The following LZTR1 variants were observed in gnomAD, a reference collection of about 807,000 sequenced individuals.
LZTR1 encodes the protein leucine-zipper-like transcriptional regulator 1.
LZTR1 carries 260 observed loss-of-function variants against 105.7 expected under a neutral mutation model. That is an observed-to-expected ratio of 2.46 (90% CI 2.22 to 2.72). The LOEUF is 2.72. Ranked by LOEUF, LZTR1 falls within the 30% of genes most tolerant of loss-of-function variation. The pLI, the probability that LZTR1 is intolerant of heterozygous loss-of-function variation, is 0.00. For missense variants in LZTR1, 1,214 were observed against 1,166.9 expected, an observed-to-expected ratio of 1.04 and a Z score of -0.59; for synonymous variants, 490 against 476.4, an observed-to-expected ratio of 1.03 and a Z score of -0.37.
Position 20,994,025 on chromosome 22 carries a change from G to A in LZTR1, c.1449+6G>A, listed in dbSNP as rs746619586. On this transcript the variant is annotated splice_donor_region_variant and intron_variant, in intron 13 of 20. Coordinates refer to ENST00000646124, the MANE Select transcript of LZTR1 (RefSeq NM_006767.4). ...CGCGGGAGAGGCTGGCCCAGGTGAG[G>A]TGCCTAACCGCCCTGCCCTGACCTG... The A allele has an allele frequency of 3.1e-6, 5 of 1,602,630 alleles. No individual in the cohort carries two copies. The East Asian group carries it at 6.8e-5, about 22-fold the overall frequency.
intron 10 of LZTR1, 82 bp downstream of exon 10, chr22:20,992,451 T>C: frequency 7.1e-7 from 1 of 1,412,624 alleles, no homozygotes; most frequent in South Asian, 1.3e-5. Context: ...ATGGGGAGAC[T>C]GAGGCCCCGA....
Position 20,990,405 on chromosome 22 carries a change from TC to T in LZTR1, c.677del (p.Pro226HisfsTer26), listed in dbSNP as rs777054968. The stretch of plus-strand genomic sequence containing the variant: ...CTGCAGGTGGCCCAGAGTGGCGAGA[TC>T]CCCCCATCTTGCTGCAACTTCCCCG... ...CWEEVAQSGE[I>X]PPSCCNFPVA... On this transcript the variant is annotated frameshift_variant, in exon 8 of 21. Transcript: ENST00000646124. LOFTEE classifies it high-confidence loss of function. 2 of 1,613,898 alleles carry T rather than the reference TC, an allele frequency of 1.2e-6. No homozygotes were observed. The highest frequency in any genetic ancestry group is 1.1e-5 in the South Asian group (1 of 91,060).
At chr22:20,982,652 G>C (rs930026265) in intron 1 of LZTR1, 81 bp downstream of exon 1, 2 of 1,398,508 alleles carry the variant, frequency 1.4e-6, no homozygotes, top group Non-Finnish European at 2.0e-6. Flanking sequence ...GCGAAGCCGG[G>C]GGGTGGTGTC....
At chr22:20,995,939 G>A (rs1398064082) in intron 17 of LZTR1, 24 bp from the exon 18 acceptor site, 3 of 1,613,322 alleles carry the variant, frequency 1.9e-6, no homozygotes, top group Non-Finnish European at 2.5e-6. Flanking sequence ...TGACGGCCAG[G>A]TGCCTACCGC....
chr22:20,990,753 G>T (rs1924580555), intron 8 of LZTR1: 2 of 517,784 alleles, frequency 3.9e-6, no homozygotes, highest in Non-Finnish European at 3.4e-6. Context: ...CCCTGGCTAG[G>T]CCTCCCTCTG....
intron 6 of LZTR1, 60 bp downstream of exon 6, chr22:20,988,932 C>T (rs376335535): frequency 2.1e-4 from 310 of 1,474,098 alleles, no homozygotes; most frequent in Non-Finnish European, 2.8e-4. Flanking sequence ...CGGAGCAGGC[C>T]GTCCTGGCAT....
chr22:20,991,986 C>A (rs1924623643), intron 9 of LZTR1, among the ~76,000 whole-genome samples, 157 bp downstream of exon 9: 1 of 152,202 alleles, frequency 6.6e-6, no homozygotes, highest in African/African-American at 2.4e-5. Context: ...GGACACCTGC[C>A]CCGGCCTCCA....
rs1167452184 is a variant in LZTR1 at position 20,995,025 on chromosome 22, T to C, written c.1941T>C (p.Ile647=). 1.3e-5 allele frequency: 21 copies of C among 1,606,196 alleles called. No homozygotes were observed. Among genetic ancestry groups the C allele is most frequent in the Non-Finnish European group, 1.6e-5 (19 of 1,176,034 alleles). The change falls in exon 16 of 21, where the codon ATT becomes ATC. Residue 647 remains isoleucine, a splice_region_variant and synonymous_variant. Coordinates refer to ENST00000646124, the MANE Select transcript of LZTR1 (RefSeq NM_006767.4). ...PRTPLDQPVD[I]GTSLIQDMKA... ...CTCCCTTGGACCAGCCAGTGGACAT[T>C]GGTAGGGAGCCCCGTTCCCCTTCCC...
In LZTR1 at chr22:20,990,610, G is replaced by T. The variant is rs955058535; in HGVS notation, c.791+85G>T. The T allele has an allele frequency of 4.2e-6, 6 of 1,416,760 alleles. No individual in the cohort carries two copies. In the African/African-American group the frequency reaches 8.5e-5, roughly 20 times the overall value. 87.8% of individuals were successfully genotyped at this position (1,416,760 alleles called of 1,614,324 possible). ...ATATGAAGAACGCCTCTTGCACCTG[G>T]TGGCCATGGTAACCATCCTTGTGAG... On this transcript the variant is annotated intron_variant, in intron 8 of 20. Coordinates refer to ENST00000646124, the MANE Select transcript of LZTR1 (RefSeq NM_006767.4).
chr22:20,987,220 C>A, intron 3 of LZTR1: 1 of 318,068 alleles, frequency 3.1e-6, no homozygotes, highest in South Asian at 6.6e-5. Flanking sequence ...ATGGTGAAAC[C>A]CCGTCTCTAC....
At chr22:20,987,730 T>C in intron 4 of LZTR1, 147 bp downstream of exon 4, 1 of 766,188 alleles carries the variant, frequency 1.3e-6, no homozygotes, top group Non-Finnish European at 2.2e-6. Context: ...GTCTTCGGAA[T>C]TCTGCGCTGG....
chr22:20,995,644 G>C, intron 16 of LZTR1, 102 bp from the exon 17 acceptor site: 1 of 1,446,240 alleles, frequency 6.9e-7, no homozygotes, highest in Non-Finnish European at 9.6e-7. Flanking sequence ...GTGAAGTTTT[G>C]TTCAGGGCAG....
At position 20,997,400 on chromosome 22, in the gene LZTR1, C is replaced by A. The variant is rs770758536; in HGVS notation, c.*52C>A. 1.5e-6 allele frequency: 2 copies of A among 1,353,386 alleles called. No individual in the cohort carries two copies. Among genetic ancestry groups the A allele is most frequent in the East Asian group, 2.3e-5 (1 of 43,692 alleles). 83.8% of individuals were successfully genotyped at this position (1,353,386 alleles called of 1,614,324 possible). Reference sequence around the variant, plus strand: ...AGAATCGCCGTGCCTGCCTGCCCTGCCTACTGAGAAGACTACCGGCTATGC... The same window carrying A: ...AGAATCGCCGTGCCTGCCTGCCCTGACTACTGAGAAGACTACCGGCTATGC... On this transcript the variant is annotated 3_prime_UTR_variant, in exon 21 of 21. Transcript: ENST00000646124.
intron 2 of LZTR1, among the ~76,000 whole-genome samples, chr22:20,984,626 G>A (rs1222118936): frequency 1.3e-5 from 2 of 151,228 alleles, no homozygotes; most frequent in African/African-American, 4.9e-5. Flanking sequence ...GGGGGGGGGC[G>A]GTATCACAAT....
intron 11 of LZTR1, among the ~76,000 whole-genome samples, 161 bp downstream of exon 11, chr22:20,993,065 G>A (rs1376448924): frequency 1.3e-5 from 2 of 152,252 alleles, no homozygotes. Flanking sequence ...AGGGTGGGCT[G>A]AGGTGGCACT....
At position 20,991,276 on chromosome 22, in the gene LZTR1, G is replaced by A. The variant is rs1924595944; in HGVS notation, c.792-352G>A. The A allele has an allele frequency of 1.2e-5, 3 of 255,686 alleles. No homozygotes were observed. The East Asian group carries it at 2.4e-4, about 20-fold the overall frequency. 15.8% of individuals were successfully genotyped at this position (255,686 alleles called of 1,614,324 possible). A position where few individuals can be genotyped will look rare whatever the true frequency, so the allele number is the denominator to read the frequency against. ...TGTGGGGATGCTCTGACTGGGCAGC[G>A]TGAACACAGTGACCTGCAATGGTCT... On this transcript the variant is annotated intron_variant, in intron 8 of 20. Coordinates refer to ENST00000646124, the MANE Select transcript of LZTR1 (RefSeq NM_006767.4).
intron 1 of LZTR1, 141 bp downstream of exon 1, chr22:20,982,712 T>G (rs1924241542): frequency 1.2e-6 from 1 of 838,826 alleles, no homozygotes; most frequent in South Asian, 1.6e-5. Context: ...AGGACGCTGT[T>G]CAGGGCAGGG....
rs1924257727 is a variant in LZTR1, at chr22:20,983,074, T to C, written c.248T>C (p.Phe83Ser). The C allele has an allele frequency of 1.2e-6, 2 of 1,614,058 alleles. No homozygotes were observed. Among genetic ancestry groups the C allele is most frequent in the Non-Finnish European group, 1.7e-6 (2 of 1,179,916 alleles). ...VVAYKDAIYV[F>S]GGDNGKTMLN... is the part of the protein sequence containing the mutation. ...GCCTATAAAGATGCCATTTATGTATTTGGTGGAGACAATGGGTGAGTGAGT... is the reference window on the plus strand; with the variant it reads ...GCCTATAAAGATGCCATTTATGTATCTGGTGGAGACAATGGGTGAGTGAGT... Residue 83 changes from phenylalanine to serine, a missense_variant, in exon 2 of 21, where the codon TTT (phenylalanine) becomes TCT (serine). Transcript: ENST00000646124.
Position 20,997,396 on chromosome 22 carries a change from C to A in LZTR1, c.*48C>A. On this transcript the variant is annotated 3_prime_UTR_variant, in exon 21 of 21. Transcript: ENST00000646124. ...GTGAAGAATCGCCGTGCCTGCCTGC[C>A]CTGCCTACTGAGAAGACTACCGGCT... is the stretch of plus-strand genomic sequence containing the variant. The A allele has an allele frequency of 1.4e-6, 2 of 1,379,754 alleles. No individual in the cohort carries two copies. The highest frequency in any genetic ancestry group is 2.1e-6 in the Non-Finnish European group (2 of 968,166). 85.5% of individuals were successfully genotyped at this position (1,379,754 alleles called of 1,614,324 possible).
Sources: allele counts gnomAD v4.1 joint callset (sites outside exome capture counted in the v4.1 genomes callset), GRCh38; gene constraint gnomAD v4.1.1; transcripts MANE v1.5; gene names NCBI Gene and HGNC (gene_info 2026-07-23, HGNC 2026-07-21).